MAPK10: variants seen among roughly 807,000 people sequenced by gnomAD.
MAPK10 encodes JNK3 alpha protein kinase.
Under a neutral mutation model 59.3 loss-of-function variants are expected in MAPK10, and 25 were observed. The observed-to-expected ratio is 0.42, with a 90% CI of 0.31 to 0.59. MAPK10 has a LOEUF of 0.59. MAPK10 is among the 20% of genes least tolerant of loss of function. MAPK10 has a pLI of 0.15. For missense variants in MAPK10, 351 were observed against 568.9 expected (o/e 0.62, Z 3.90); for synonymous variants, 190 against 200.5 (o/e 0.95, Z 0.44).
rs1761208578 is a variant in MAPK10 at position 86,568,274 on chromosome 4, AC to A, written c.-263+25635del. 2.0e-5 allele frequency among the ~76,000 whole-genome samples: 3 copies of A among 152,322 alleles called. No individual in the cohort carries two copies. In the South Asian group the frequency reaches 6.2e-4, roughly 32 times the overall value. Reference sequence around the variant, plus strand: ...ATCTCTACAAGAAAAACTACAAAACACTGCTGAAAGAAATCATAGATAACAC... The same window carrying A: ...ATCTCTACAAGAAAAACTACAAAACATGCTGAAAGAAATCATAGATAACAC... On this transcript the variant is annotated intron_variant, in intron 1 of 4. Coordinates refer to the MAPK10 transcript ENST00000502302.
At chr4:86,096,635 G>A (rs1163036041) in intron 9 of MAPK10, among the ~76,000 whole-genome samples, 1 of 151,900 alleles carries the variant, frequency 6.6e-6, no homozygotes, top group East Asian at 1.9e-4. Flanking sequence ...AGTATTGATT[G>A]AGAGGTTCCT....
chr4:86,554,384 A>T (rs1760092869), intron 1 of MAPK10, among the ~76,000 whole-genome samples: 1 of 152,152 alleles, frequency 6.6e-6, no homozygotes, highest in Non-Finnish European at 1.5e-5. Context: ...GGCTATCACA[A>T]GGGCACTTGA....
chr4:86,200,738 C>T (rs1480690324), intron 2 of MAPK10, among the ~76,000 whole-genome samples: 2 of 151,742 alleles, frequency 1.3e-5, no homozygotes, highest in African/African-American at 4.8e-5. Flanking sequence ...TACATGACAG[C>T]TATACATATT....
chr4:86,268,443 C>T (rs2094327289), intron 2 of MAPK10: 2 of 152,270 alleles, frequency 1.3e-5, no homozygotes, highest in African/African-American at 4.8e-5. Context: ...CAGAGCATAT[C>T]ACTTCCCTGC....
chr4:86,250,387 C>T (rs1285280631), intron 2 of MAPK10, among the ~76,000 whole-genome samples: 1 of 152,122 alleles, frequency 6.6e-6, no homozygotes, highest in Non-Finnish European at 1.5e-5. Flanking sequence ...TTACTCTATT[C>T]TATTTTAAAC....
chr4:86,497,362 A>C (rs1402198082), intron 1 of MAPK10, among the ~76,000 whole-genome samples: 1 of 152,208 alleles, frequency 6.6e-6, no homozygotes, highest in Non-Finnish European at 1.5e-5. Flanking sequence ...CTGAATGGCC[A>C]GTCTCAGTGC....
intron 3 of MAPK10, among the ~76,000 whole-genome samples, chr4:86,190,648 TA>T (rs2079470906): frequency 6.6e-6 from 1 of 152,122 alleles, no homozygotes; most frequent in Admixed American, 6.5e-5. Flanking sequence ...TCCTCTTTAT[TA>T]GTCTGGCTAG....
At chr4:86,441,075 T>C (rs1749359742) in intron 1 of MAPK10, among the ~76,000 whole-genome samples, 1 of 152,090 alleles carries the variant, frequency 6.6e-6, no homozygotes, top group African/African-American at 2.4e-5. Context: ...TTCAGATTCA[T>C]ATAAAATATT....
chr4:86,548,756 G>T (rs556571488), intron 1 of MAPK10, among the ~76,000 whole-genome samples: 2 of 152,214 alleles, frequency 1.3e-5, no homozygotes, highest in South Asian at 4.2e-4. Context: ...TACTCTCAGT[G>T]CCACTCTGAC....
intron 1 of MAPK10, among the ~76,000 whole-genome samples, chr4:86,567,836 A>G (rs2149107042): frequency 6.6e-6 from 1 of 152,328 alleles, no homozygotes; most frequent in South Asian, 2.1e-4. Context: ...TCAAGAAGAT[A>G]GCATAAAGGA....
At chr4:86,277,708 A>T (rs762398348) in intron 2 of MAPK10, among the ~76,000 whole-genome samples, 3 of 152,168 alleles carry the variant, frequency 2.0e-5, no homozygotes, top group Non-Finnish European at 4.4e-5. Flanking sequence ...ATCTAAAAGC[A>T]TTGCCAGGAT....
intron 2 of MAPK10, among the ~76,000 whole-genome samples, chr4:86,265,738 T>A (rs1461713024): frequency 6.6e-6 from 1 of 152,148 alleles, no homozygotes; most frequent in Non-Finnish European, 1.5e-5. Flanking sequence ...CTCAGGATAT[T>A]TGAAGCACAA....
intron 9 of MAPK10, among the ~76,000 whole-genome samples, chr4:86,075,067 A>G (rs1171357413): frequency 2.7e-5 from 4 of 149,678 alleles, no homozygotes; most frequent in African/African-American, 7.4e-5. Context: ...ATATAGTCCC[A>G]TATTTCTTGG....
upstream of MAPK10, among the ~76,000 whole-genome samples, chr4:86,360,444 A>G (rs1003470347): frequency 6.6e-6 from 1 of 152,226 alleles, no homozygotes. Context: ...TCTAAACGTC[A>G]AACAAGTAAG....
At chr4:86,118,375 A>C (rs1039539361) in intron 4 of MAPK10, among the ~76,000 whole-genome samples, 2 of 151,746 alleles carry the variant, frequency 1.3e-5, no homozygotes. Context: ...CTTTATGAAG[A>C]TTTTTCCAAC....
intron 1 of MAPK10, among the ~76,000 whole-genome samples, chr4:86,590,855 T>C (rs558976893): frequency 6.6e-6 from 1 of 152,300 alleles, no homozygotes; most frequent in South Asian, 2.1e-4. Flanking sequence ...AAGATAATTA[T>C]ACATTCTTTC....
At chr4:86,023,849 AT>A in intron 13 of MAPK10, 5 of 129,724 alleles carry the variant, frequency 3.9e-5, no homozygotes, top group East Asian at 5.2e-4. Flanking sequence ...ATATATATAT[AT>A]AAAATGAATG....
At chr4:86,247,261 AT>A (rs2093157034) in intron 2 of MAPK10, among the ~76,000 whole-genome samples, 1 of 152,228 alleles carries the variant, frequency 6.6e-6, no homozygotes, top group African/African-American at 2.4e-5. Flanking sequence ...GAATCAGGGT[AT>A]CACTTTCTTC....
chr4:86,220,709 T>C (rs999178631), intron 2 of MAPK10, among the ~76,000 whole-genome samples: 1 of 152,248 alleles, frequency 6.6e-6, no homozygotes, highest in Admixed American at 6.5e-5. Flanking sequence ...AACACAATAA[T>C]ATTTTAGGTT....
Sources: allele counts gnomAD v4.1 joint callset (sites outside exome capture counted in the v4.1 genomes callset), GRCh38; gene constraint gnomAD v4.1.1; transcripts MANE v1.5; gene names NCBI Gene and HGNC (gene_info 2026-07-23, HGNC 2026-07-21).